FOXN3: variants seen among roughly 807,000 people sequenced by gnomAD.
FOXN3 encodes the protein forkhead box N3, also known as forkhead box protein N3.
In FOXN3, 7 loss-of-function variants were observed where a neutral mutation model predicts 38.4. The ratio of observed to expected loss-of-function variants is 0.18; its 90% CI spans 0.10 to 0.34. FOXN3 has a LOEUF of 0.34. Among genes scored for constraint, FOXN3 ranks in the 10% least tolerant of loss-of-function variants. FOXN3 has a pLI of 1.00. For synonymous variants in FOXN3, 230 were observed against 242.2 expected (o/e 0.95, Z 0.47); for missense variants, 456 against 613.4 (o/e 0.74, Z 2.71).
chr14:89,440,400 C>T (rs1892356775), intron 1 of FOXN3, among the ~76,000 whole-genome samples: 1 of 152,158 alleles, frequency 6.6e-6, no homozygotes, highest in Admixed American at 6.5e-5. Flanking sequence ...CATCGCATCC[C>T]CTGTGACTTG....
chr14:89,437,181 C>G (rs942548264), intron 1 of FOXN3, among the ~76,000 whole-genome samples: 4 of 130,890 alleles, frequency 3.1e-5, no homozygotes, highest in African/African-American at 1.1e-4. Context: ...TCTCAAAAAA[C>G]AAAACAAAAC....
At position 89,257,568 on chromosome 14, in the gene FOXN3, G is replaced by A. The variant is rs568340910; in HGVS notation, c.745+23382C>T. ...AATCCTCTTTGGGCTTCCCCACCAGGTGAATTTTCACCATAAAGAGTCTGG... is the reference window on the plus strand; with the variant it reads ...AATCCTCTTTGGGCTTCCCCACCAGATGAATTTTCACCATAAAGAGTCTGG... On this transcript the variant is annotated intron_variant, in intron 4 of 5. Transcript: ENST00000557258. Among the ~76,000 whole-genome samples the A allele has an allele frequency of 9.9e-4, 151 of 152,284 alleles. 1 individual carries two copies. Among genetic ancestry groups the A allele is most frequent in the Non-Finnish European group, 1.8e-3 (120 of 68,030 alleles).
chr14:89,434,570 A>C (rs1179162270), intron 1 of FOXN3, among the ~76,000 whole-genome samples: 1 of 152,108 alleles, frequency 6.6e-6, no homozygotes, highest in Non-Finnish European at 1.5e-5. Context: ...TAAGAAGCTC[A>C]TGATCACTCC....
At chr14:89,343,914 C>G (rs1888693211) in intron 3 of FOXN3, among the ~76,000 whole-genome samples, 1 of 152,082 alleles carries the variant, frequency 6.6e-6, no homozygotes, top group Admixed American at 6.6e-5. Flanking sequence ...GTGCCTGCCA[C>G]CACACCCAGC....
intron 4 of FOXN3, among the ~76,000 whole-genome samples, chr14:89,255,720 C>A (rs151307976): frequency 2.0e-5 from 3 of 152,254 alleles, no homozygotes; most frequent in South Asian, 2.1e-4. Context: ...CAAAGCAGCA[C>A]GCAGGACATT....
chr14:89,317,613 G>A (rs893901021), intron 3 of FOXN3, among the ~76,000 whole-genome samples: 6 of 151,980 alleles, frequency 3.9e-5, no homozygotes, highest in Non-Finnish European at 7.4e-5. Flanking sequence ...GAAGCACACC[G>A]GATCCTGACA....
intron 4 of FOXN3, among the ~76,000 whole-genome samples, chr14:89,228,336 C>T (rs1387664999): frequency 6.6e-6 from 1 of 152,184 alleles, no homozygotes; most frequent in Non-Finnish European, 1.5e-5. Context: ...AGATGTTCTT[C>T]CACGTTCTGG....
At chr14:89,336,137 T>TAC (rs34950734) in intron 3 of FOXN3, among the ~76,000 whole-genome samples, 4,597 of 140,076 alleles carry the variant, frequency 0.033, 88 homozygotes, top group African/African-American at 0.058. Flanking sequence ...AAGTGATCCT[T>TAC]ACACACACAC....
intron 3 of FOXN3, chr14:89,349,837 A>C (rs1182810316): frequency 1.3e-5 from 2 of 152,236 alleles, no homozygotes; most frequent in Admixed American, 1.3e-4. Context: ...CTATGACATC[A>C]TGCCATCCCT....
intron 1 of FOXN3, among the ~76,000 whole-genome samples, chr14:89,587,712 C>G (rs1015819292): frequency 6.6e-6 from 1 of 151,848 alleles, no homozygotes; most frequent in Non-Finnish European, 1.5e-5. Flanking sequence ...TACTAAAATA[C>G]AAAAATTAGC....
At chr14:89,436,566 G>A (rs1326716479) in intron 1 of FOXN3, among the ~76,000 whole-genome samples, 4 of 152,168 alleles carry the variant, frequency 2.6e-5, no homozygotes, top group Non-Finnish European at 4.4e-5. Context: ...CATGGGGTTC[G>A]TCGAATGGGC....
In FOXN3 at chr14:89,566,039, G is replaced by C. The variant is rs17126043; in HGVS notation, c.-15+52989C>G. ...CAGTTAAGCTGTCCCTGTGACCCTC[G>C]CCCCAGAATATCACTTACTTTTCAT... On this transcript the variant is annotated intron_variant, in intron 1 of 6. Transcript: ENST00000345097. Among the ~76,000 whole-genome samples the C allele has an allele frequency of 2.6e-5, 4 of 152,220 alleles. No homozygotes were observed. The East Asian group carries it at 7.7e-4, about 29-fold the overall frequency.
chr14:89,397,336 A>G (rs949392011), intron 2 of FOXN3, among the ~76,000 whole-genome samples: 1 of 151,646 alleles, frequency 6.6e-6, no homozygotes, highest in Non-Finnish European at 1.5e-5. Flanking sequence ...ATTGGTTACT[A>G]GGCTTATACC....
chr14:89,471,430 G>C (rs1893092049), intron 1 of FOXN3, among the ~76,000 whole-genome samples: 1 of 152,042 alleles, frequency 6.6e-6, no homozygotes, highest in Non-Finnish European at 1.5e-5. Context: ...AACAAGACCT[G>C]TTATGTCTAC....
chr14:89,226,638 C>A (rs1300573555), intron 4 of FOXN3, among the ~76,000 whole-genome samples: 3 of 152,112 alleles, frequency 2.0e-5, no homozygotes, highest in African/African-American at 4.8e-5. Context: ...TGTGCCTCCC[C>A]CAACCCCAAT....
intron 4 of FOXN3, among the ~76,000 whole-genome samples, chr14:89,239,023 A>G (rs1236016228): frequency 6.6e-6 from 1 of 152,234 alleles, no homozygotes; most frequent in African/African-American, 2.4e-5. Context: ...ATACTAAAAA[A>G]GAGACTGCGA....
At chr14:89,490,848 AATT>A (rs142163313) in intron 1 of FOXN3, among the ~76,000 whole-genome samples, 4,507 of 152,360 alleles carry the variant, frequency 0.03, 81 homozygotes, top group Non-Finnish European at 0.038. Flanking sequence ...AGGTTTTAAG[AATT>A]CAGTTAAATA....
intron 1 of FOXN3, among the ~76,000 whole-genome samples, chr14:89,559,012 G>A (rs1895189107): frequency 6.6e-6 from 1 of 152,114 alleles, no homozygotes; most frequent in Non-Finnish European, 1.5e-5. Context: ...AGAAAAGTTT[G>A]GAAACAAAGT....
At chr14:89,175,594 G>A (rs1887500338) in intron 5 of FOXN3, among the ~76,000 whole-genome samples, 1 of 152,176 alleles carries the variant, frequency 6.6e-6, no homozygotes, top group African/African-American at 2.4e-5. Flanking sequence ...AACACATGAG[G>A]CAGACACACG....
Sources: allele counts gnomAD v4.1 joint callset (sites outside exome capture counted in the v4.1 genomes callset), GRCh38; gene constraint gnomAD v4.1.1; transcripts MANE v1.5; gene names NCBI Gene and HGNC (gene_info 2026-07-23, HGNC 2026-07-21).